SMARCC1: variants seen among roughly 807,000 people sequenced by gnomAD.
The protein encoded by SMARCC1 is SWI/SNF related BAF chromatin remodeling complex subunit C1, also known as SWI/SNF complex subunit SMARCC1.
In SMARCC1, 43 loss-of-function variants were observed where a neutral mutation model predicts 147.4. That is an observed-to-expected ratio of 0.29 (90% CI 0.23 to 0.38). The LOEUF (loss-of-function observed/expected upper bound fraction) is 0.38, where lower values mean the gene tolerates loss of function less well. Ranked by LOEUF, SMARCC1 falls within the 10% of genes least tolerant of loss-of-function variation. SMARCC1 has a pLI of 1.00. For synonymous variants in SMARCC1, 495 were observed against 484.4 expected, an observed-to-expected ratio of 1.02 and a Z score of -0.29; for missense variants, 1,119 against 1,381.1, an observed-to-expected ratio of 0.81 and a Z score of 3.01.
Position 47,736,128 on chromosome 3 carries a change from T to C in SMARCC1, c.484-2A>G. The C allele has an allele frequency of 6.5e-7, 1 of 1,539,484 alleles. No homozygotes were observed. The highest frequency in any genetic ancestry group is 8.9e-7 in the Non-Finnish European group (1 of 1,124,658). On this transcript the variant is annotated splice_acceptor_variant, in intron 4 of 27. Coordinates refer to ENST00000254480, the MANE Select transcript of SMARCC1 (RefSeq NM_003074.4). LOFTEE classifies it high-confidence loss of function. ...GTTGGGTCTGGTCAAACAATTGTTC[T>C]GAGGATGAAAAGAACAGACTTTCAA...
rs746049581 is a variant in SMARCC1, at chr3:47,686,177, A to G, written c.1264-7T>C. 2 of 1,608,320 alleles carry G rather than the reference A, an allele frequency of 1.2e-6. No individual in the cohort carries two copies. Among genetic ancestry groups the G allele is most frequent in the East Asian group, 4.5e-5 (2 of 44,834 alleles). On this transcript the variant is annotated splice_polypyrimidine_tract_variant and splice_region_variant and intron_variant, in intron 13 of 27. Coordinates refer to ENST00000254480, the MANE Select transcript of SMARCC1 (RefSeq NM_003074.4). ...TGGCAGGATCTTCATCTTCCTATAGAAAAGAAGACAAAGTTCAAAGAAAGA... is the reference window on the plus strand; with the variant it reads ...TGGCAGGATCTTCATCTTCCTATAGGAAAGAAGACAAAGTTCAAAGAAAGA...
chr3:47,696,325 G>C (rs1302916569), intron 11 of SMARCC1, among the ~76,000 whole-genome samples: 2 of 151,986 alleles, frequency 1.3e-5, no homozygotes, highest in Non-Finnish European at 2.9e-5. Context: ...AGTGAGCTGA[G>C]ATTGCACCAC....
intron 2 of SMARCC1, among the ~76,000 whole-genome samples, chr3:47,765,771 C>T (rs1230518339): frequency 6.6e-6 from 1 of 150,580 alleles, no homozygotes; most frequent in African/African-American, 2.4e-5. Flanking sequence ...CTCACTCTGT[C>T]GCCCAGGCTG....
intron 25 of SMARCC1, among the ~76,000 whole-genome samples, chr3:47,619,496 G>A (rs1021226836): frequency 7.2e-5 from 11 of 152,340 alleles, no homozygotes; most frequent in African/African-American, 2.6e-4. Flanking sequence ...ACCCACAGCT[G>A]AGGACTGCAG....
rs1004018096 is a variant in SMARCC1 at position 47,596,874 on chromosome 3, T to C, written c.3044-6037A>G. On this transcript the variant is annotated intron_variant, in intron 26 of 27. Transcript: ENST00000254480. ...AGATGGCACTCTGCAAGTTCCTTCT[T>C]TTTTTTTTTATTTTATTTTTTTAAA... 6.7e-5 allele frequency among the ~76,000 whole-genome samples: 10 copies of C among 148,976 alleles called. No homozygotes were observed. The East Asian group carries it at 1.8e-3, about 26-fold the overall frequency.
chr3:47,707,646 G>T (rs944821846), intron 9 of SMARCC1, among the ~76,000 whole-genome samples: 1 of 152,132 alleles, frequency 6.6e-6, no homozygotes, highest in Non-Finnish European at 1.5e-5. Flanking sequence ...GGCCGAGGCG[G>T]GGGGAATGCT....
intron 21 of SMARCC1, among the ~76,000 whole-genome samples, chr3:47,655,463 G>A (rs2033248947): frequency 6.6e-6 from 1 of 152,044 alleles, no homozygotes. Context: ...TTGGGAGGCT[G>A]AGGCGGGCAG....
rs971969263 is a variant in SMARCC1, at chr3:47,638,734, C to T, written c.2367G>A (p.Gln789=). Residue 789 remains glutamine, a synonymous_variant, in exon 22 of 28, where the codon CAG becomes CAA. Transcript: ENST00000254480. ...EKMEADPDGQ[Q]PEKAENKVEN... ...TGCTGTGAGACTTTACCTTTTCAGG[C>T]TGCTGACCATCAGGGTCGGCTTCCA... 31 of 1,613,196 alleles carry T rather than the reference C, an allele frequency of 1.9e-5. No homozygotes were observed. Among genetic ancestry groups the T allele is most frequent in the Non-Finnish European group, 2.6e-5 (31 of 1,179,132 alleles).
chr3:47,598,195 A>C (rs1284243161), intron 26 of SMARCC1, among the ~76,000 whole-genome samples: 2 of 152,060 alleles, frequency 1.3e-5, no homozygotes, highest in Non-Finnish European at 2.9e-5. Flanking sequence ...AATCACTACT[A>C]ATGATTCTCT....
At chr3:47,759,331 A>G (rs906756455) in intron 2 of SMARCC1, among the ~76,000 whole-genome samples, 1 of 151,396 alleles carries the variant, frequency 6.6e-6, no homozygotes, top group Admixed American at 6.6e-5. Flanking sequence ...CCCTTTAGCA[A>G]AAAAAATTAG....
At chr3:47,657,628 A>T (rs1000664609) in intron 21 of SMARCC1, among the ~76,000 whole-genome samples, 1 of 151,962 alleles carries the variant, frequency 6.6e-6, no homozygotes, top group African/African-American at 2.4e-5. Context: ...GTGAAACCCC[A>T]TCTCTACTTA....
At chr3:47,697,078 T>C (rs2033861577) in intron 11 of SMARCC1, among the ~76,000 whole-genome samples, 1 of 152,134 alleles carries the variant, frequency 6.6e-6, no homozygotes, top group African/African-American at 2.4e-5. Context: ...GCTTGCAATT[T>C]GGGAGGCTGA....
chr3:47,590,285 C>T (rs2032154903), intron 27 of SMARCC1, among the ~76,000 whole-genome samples: 1 of 152,176 alleles, frequency 6.6e-6, no homozygotes, highest in African/African-American at 2.4e-5. Context: ...TTTCTTTACA[C>T]GCATCACTTT....
At chr3:47,599,992 C>T (rs1350698209) in intron 26 of SMARCC1, among the ~76,000 whole-genome samples, 1 of 152,184 alleles carries the variant, frequency 6.6e-6, no homozygotes, top group Non-Finnish European at 1.5e-5. Flanking sequence ...TACCTATTAC[C>T]CTACATCTTT....
chr3:47,659,701 T>G (rs2033314761), intron 21 of SMARCC1, among the ~76,000 whole-genome samples: 1 of 128,796 alleles, frequency 7.8e-6, no homozygotes, highest in African/African-American at 3.0e-5. Context: ...TAATGTCTAC[T>G]GAATTTTGCT....
intron 26 of SMARCC1, chr3:47,603,687 C>T (rs2032424347): frequency 4.3e-6 from 1 of 234,004 alleles, no homozygotes; most frequent in Non-Finnish European, 8.5e-6. Flanking sequence ...ATGTAGGCAT[C>T]ATTTGATATA....
chr3:47,781,802 G>T lies in SMARCC1; in HGVS notation c.-5C>A. On this transcript the variant is annotated 5_prime_UTR_variant, in exon 1 of 28. Coordinates refer to ENST00000254480, the MANE Select transcript of SMARCC1 (RefSeq NM_003074.4). ...GCCGCCCGCCGCTGCGGCCATCGTC[G>T]CAGCCCGTCGTCCCCACAGCCTGGC... is the stretch of plus-strand genomic sequence containing the variant. 7.0e-7 allele frequency: 1 copy of T among 1,424,500 alleles called. No individual in the cohort carries two copies. Among genetic ancestry groups the T allele is most frequent in the Non-Finnish European group, 9.2e-7 (1 of 1,090,308 alleles). 88.2% of individuals were successfully genotyped at this position (1,424,500 alleles called of 1,614,324 possible).
chr3:47,692,871 A>T (rs908740218), intron 12 of SMARCC1, among the ~76,000 whole-genome samples: 1 of 152,178 alleles, frequency 6.6e-6, no homozygotes, highest in Non-Finnish European at 1.5e-5. Flanking sequence ...TACAAAAATT[A>T]GCTGGGCGTG....
At chr3:47,696,906 G>A (rs1238661434) in intron 11 of SMARCC1, among the ~76,000 whole-genome samples, 2 of 152,192 alleles carry the variant, frequency 1.3e-5, no homozygotes, top group Non-Finnish European at 2.9e-5. Context: ...CTTAGCCCAG[G>A]CTGCAGTGCA....
Sources: allele counts gnomAD v4.1 joint callset (sites outside exome capture counted in the v4.1 genomes callset), GRCh38; gene constraint gnomAD v4.1.1; transcripts MANE v1.5; gene names NCBI Gene and HGNC (gene_info 2026-07-23, HGNC 2026-07-21).